Variants in XYLT1 observed in about 807,000 individuals in gnomAD.
XYLT1 encodes xylosyltransferase 1, also known as beta-D-xylosyltransferase 1.
XYLT1 carries 36 observed loss-of-function variants against 91.3 expected under a neutral mutation model. That is an observed-to-expected ratio of 0.39 (90% CI 0.30 to 0.52). XYLT1 has a LOEUF of 0.52. Among genes scored for constraint, XYLT1 ranks in the 20% least tolerant of loss-of-function variants. The pLI, the probability that XYLT1 is intolerant of heterozygous loss-of-function variation, is 0.68. For synonymous variants in XYLT1, 588 were observed against 532.0 expected, an observed-to-expected ratio of 1.11 and a Z score of -1.45; for missense variants, 1,242 against 1,284.5, an observed-to-expected ratio of 0.97 and a Z score of 0.51.
At chr16:17,458,925 G>A (rs1217699809) in intron 1 of XYLT1, among the ~76,000 whole-genome samples, 1 of 152,054 alleles carries the variant, frequency 6.6e-6, no homozygotes, top group South Asian at 2.1e-4. Context: ...AAGAAGAAGA[G>A]AGTGCATCTG....
chr16:17,109,263 C>T lies in XYLT1; in HGVS notation c.2558-246G>A, dbSNP rs556062365. Among the ~76,000 whole-genome samples the T allele has an allele frequency of 8.5e-4, 130 of 152,282 alleles. 1 individual carries two copies. Among genetic ancestry groups the T allele is most frequent in the South Asian group, 4.6e-3 (22 of 4,828 alleles). On this transcript the variant is annotated intron_variant, in intron 11 of 11. Transcript: ENST00000261381. ...TTATTCATTCAACACATGTTTATAG[C>T]GCATCTTTGATAGTGCAGACACTGA...
At position 17,106,007 on chromosome 16, in the gene XYLT1, A is replaced by T. The variant is rs1966769019; in HGVS notation, c.*2688T>A. ...ATTAATTAATAACATCAGAGAAGGG[A>T]GAGGAATACCCTGTGTGACTTCTCA... is the stretch of plus-strand genomic sequence containing the variant. On this transcript the variant is annotated 3_prime_UTR_variant, in exon 12 of 12. Coordinates refer to ENST00000261381, the MANE Select transcript of XYLT1 (RefSeq NM_022166.4). 1 of 152,088 alleles carries T rather than the reference A, an allele frequency of 6.6e-6. No homozygotes were observed. Among genetic ancestry groups the T allele is most frequent in the Admixed American group, 6.6e-5 (1 of 15,266 alleles). The allele number at this position is 152,088 out of a possible 1,614,324, so 9.4% of individuals were successfully genotyped here. A position where few individuals can be genotyped will look rare whatever the true frequency, so the allele number is the denominator to read the frequency against.
At chr16:17,318,518 C>G (rs1452703598) in intron 2 of XYLT1, among the ~76,000 whole-genome samples, 1 of 152,252 alleles carries the variant, frequency 6.6e-6, no homozygotes, top group East Asian at 1.9e-4. Flanking sequence ...GGTTCTCCAA[C>G]CAGCTAAAGG....
chr16:17,117,576 C>T (rs758117055), intron 11 of XYLT1, 70 bp downstream of exon 11: 12 of 1,523,026 alleles, frequency 7.9e-6, no homozygotes, highest in Non-Finnish European at 1.1e-5. Context: ...GTGCTGCCTA[C>T]CAACACCAAA....
At chr16:17,463,889 T>C (rs1252373249) in intron 1 of XYLT1, among the ~76,000 whole-genome samples, 1 of 152,206 alleles carries the variant, frequency 6.6e-6, no homozygotes, top group Non-Finnish European at 1.5e-5. Context: ...ACACACACAG[T>C]GGAATATTAG....
At chr16:17,337,003 T>C (rs1353078480) in intron 2 of XYLT1, among the ~76,000 whole-genome samples, 1 of 152,134 alleles carries the variant, frequency 6.6e-6, no homozygotes, top group Non-Finnish European at 1.5e-5. Flanking sequence ...TTTTGTAAGA[T>C]CGTATGTAAC....
At chr16:17,327,093 G>A (rs1055899462) in intron 2 of XYLT1, among the ~76,000 whole-genome samples, 1 of 152,194 alleles carries the variant, frequency 6.6e-6, no homozygotes, top group Non-Finnish European at 1.5e-5. Context: ...CAGCACGGGT[G>A]GGGAATGATG....
At chr16:17,172,337 A>T (rs1370403341) in intron 5 of XYLT1, among the ~76,000 whole-genome samples, 1 of 151,416 alleles carries the variant, frequency 6.6e-6, no homozygotes, top group Non-Finnish European at 1.5e-5. Flanking sequence ...GTGCTCTTTC[A>T]TAACTCTAAG....
chr16:17,255,330 AC>A (rs1313931113), intron 3 of XYLT1, among the ~76,000 whole-genome samples: 1 of 152,170 alleles, frequency 6.6e-6, no homozygotes, highest in Non-Finnish European at 1.5e-5. Flanking sequence ...TTTAATGGGA[AC>A]ATAGCGCATT....
intron 2 of XYLT1, among the ~76,000 whole-genome samples, chr16:17,300,709 T>C (rs2034382866): frequency 6.6e-6 from 1 of 152,006 alleles, no homozygotes; most frequent in South Asian, 2.1e-4. Context: ...ACTGCCCACC[T>C]TAGCCTCCCA....
intron 10 of XYLT1, among the ~76,000 whole-genome samples, chr16:17,119,301 A>G (rs913940641): frequency 2.0e-4 from 30 of 152,284 alleles, no homozygotes; most frequent in African/African-American, 7.2e-4. Context: ...ATCAAATTAA[A>G]TTAGGGGTCA....
intron 3 of XYLT1, among the ~76,000 whole-genome samples, chr16:17,234,198 A>G (rs546510216): frequency 6.6e-6 from 1 of 152,284 alleles, no homozygotes; most frequent in South Asian, 2.1e-4. Flanking sequence ...TTGCCCAAGA[A>G]TGCCTAGCTT....
chr16:17,266,727 C>T (rs990335826), intron 2 of XYLT1, among the ~76,000 whole-genome samples: 50 of 152,216 alleles, frequency 3.3e-4, no homozygotes, highest in African/African-American at 1.2e-3. Context: ...CACGCACAGC[C>T]GGCTGGGTAG....
intron 2 of XYLT1, among the ~76,000 whole-genome samples, chr16:17,325,595 G>C (rs1288489033): frequency 6.6e-6 from 1 of 152,068 alleles, no homozygotes; most frequent in African/African-American, 2.4e-5. Flanking sequence ...CGGAAAAGAA[G>C]ACTGGAAAAA....
chr16:17,296,273 G>T, intron 2 of XYLT1, among the ~76,000 whole-genome samples: 1 of 152,146 alleles, frequency 6.6e-6, no homozygotes, highest in Admixed American at 6.5e-5. Flanking sequence ...AAGGCCTGGG[G>T]GGTGTTGGGG....
chr16:17,396,915 A>T (rs2035893898), intron 1 of XYLT1, among the ~76,000 whole-genome samples: 1 of 152,182 alleles, frequency 6.6e-6, no homozygotes, highest in African/African-American at 2.4e-5. Flanking sequence ...TTACCATCCC[A>T]TACCATAGCC....
chr16:17,305,570 C>G (rs770299030), intron 2 of XYLT1, among the ~76,000 whole-genome samples: 1 of 151,840 alleles, frequency 6.6e-6, no homozygotes, highest in Non-Finnish European at 1.5e-5. Context: ...CATGCACCAC[C>G]ACGCCCAGCT....
intron 5 of XYLT1, among the ~76,000 whole-genome samples, chr16:17,164,102 A>G (rs571424511): frequency 6.0e-4 from 87 of 145,626 alleles, no homozygotes; most frequent in African/African-American, 2.0e-3. Context: ...GGGACTGTGA[A>G]GTCAGGCAAG....
intron 2 of XYLT1, among the ~76,000 whole-genome samples, chr16:17,355,939 C>T (rs1475256654): frequency 1.3e-5 from 2 of 152,122 alleles, no homozygotes; most frequent in East Asian, 3.9e-4. Flanking sequence ...GTCTCGAACT[C>T]CTAGCCTCAA....
Sources: allele counts gnomAD v4.1 joint callset (sites outside exome capture counted in the v4.1 genomes callset), GRCh38; gene constraint gnomAD v4.1.1; transcripts MANE v1.5; gene names NCBI Gene and HGNC (gene_info 2026-07-23, HGNC 2026-07-21).